Variants in GART observed in about 807,000 individuals in gnomAD.
GART encodes phosphoribosylglycinamide formyltransferase, phosphoribosylglycinamide synthetase, phosphoribosylaminoimidazole synthetase, also known as trifunctional purine biosynthetic protein adenosine-3.
GART carries 43 observed loss-of-function variants against 107.2 expected under a neutral mutation model. The ratio of observed to expected loss-of-function variants is 0.40; its 90% confidence interval spans 0.31 to 0.52. The LOEUF is 0.52. Among genes scored for constraint, GART ranks in the 20% least tolerant of loss-of-function variants. The pLI is 0.52. For missense variants in GART, 1,107 were observed against 1,206.5 expected (o/e 0.92, Z 1.22); for synonymous variants, 434 against 427.0 (o/e 1.02, Z -0.20).
At chr21:33,527,676 G>C (rs1297295230) in intron 10 of GART, among the ~76,000 whole-genome samples, 2 of 151,884 alleles carry the variant, frequency 1.3e-5, no homozygotes, top group Non-Finnish European at 2.9e-5. Flanking sequence ...TAAAGAGAGA[G>C]AGAAAAAAAA....
chr21:33,525,092 T>C (rs1278977454), intron 10 of GART, 92 bp from the exon 11 acceptor site: 2 of 1,462,022 alleles, frequency 1.4e-6, no homozygotes, highest in Admixed American at 2.8e-5. Flanking sequence ...TTCTTTTTTT[T>C]TTTTTTTAAC....
In GART at chr21:33,534,739, G is replaced by C; in HGVS notation, c.256C>G (p.Leu86Val). 1 of 1,588,252 alleles carries C rather than the reference G, an allele frequency of 6.3e-7. No homozygotes were observed. Among genetic ancestry groups the C allele is most frequent in the Non-Finnish European group, 8.5e-7 (1 of 1,169,818 alleles). The change falls in exon 4 of 22, where the codon CTG becomes GTG. Residue 86 changes from leucine (L) to valine (V), a missense_variant. Leu to Val is a conservative substitution (Grantham distance 32). Coordinates refer to ENST00000381815, the MANE Select transcript of GART (RefSeq NM_000819.5). ...AAGCATTGCACTCCTGCAGACCTCAGGTTCCCAACAATCCCTATTGATGAA... is the reference window on the plus strand; with the variant it reads ...AAGCATTGCACTCCTGCAGACCTCACGTTCCCAACAATCCCTATTGATGAA... ...APLAAGIVGN[L>V]RSAGVQCFGP...
Position 33,534,705 on chromosome 21 carries a change from G to A in GART, c.290C>T (p.Thr97Ile). 3.1e-6 allele frequency: 5 copies of A among 1,611,688 alleles called. No homozygotes were observed. The highest frequency in any genetic ancestry group is 4.2e-6 in the Non-Finnish European group (5 of 1,179,000). Residue 97 changes from threonine to isoleucine, a missense_variant, in exon 4 of 22, where the codon ACA (threonine) becomes ATA (isoleucine). Coordinates refer to ENST00000381815, the MANE Select transcript of GART (RefSeq NM_000819.5). Reference sequence around the variant, plus strand: ...GGACTCTAACTGAGCCGCTTCTGCTGTTGGGCCAAAGCATTGCACTCCTGC... The same window carrying A: ...GGACTCTAACTGAGCCGCTTCTGCTATTGGGCCAAAGCATTGCACTCCTGC... Reference protein sequence around the residue: ...RSAGVQCFGPTAEAAQLESSK... With the variant: ...RSAGVQCFGPIAEAAQLESSK...
intron 19 of GART, 76 bp downstream of exon 19, chr21:33,505,898 T>C (rs1479154138): frequency 2.3e-5 from 36 of 1,571,462 alleles, no homozygotes; most frequent in Non-Finnish European, 2.9e-5. Flanking sequence ...CAAGTGCCCA[T>C]AGACCAGGGT....
chr21:33,506,143 A>G, intron 18 of GART, 39 bp from the exon 19 acceptor site: 1 of 1,564,148 alleles, frequency 6.4e-7, no homozygotes, highest in Non-Finnish European at 8.6e-7. Flanking sequence ...TCATACTACT[A>G]CTTCTTTTTT....
intron 10 of GART, among the ~76,000 whole-genome samples, chr21:33,526,018 C>T (rs1261492857): frequency 7.3e-5 from 11 of 151,646 alleles, no homozygotes; most frequent in Admixed American, 6.6e-4. Flanking sequence ...TACAGGTGCC[C>T]ACCACCATGC....
intron 11 of GART, 189 bp downstream of exon 11, chr21:33,524,580 T>A (rs1374795181): frequency 4.1e-6 from 5 of 1,215,050 alleles, no homozygotes; most frequent in Middle Eastern, 3.0e-4. Flanking sequence ...ACTTACGCTA[T>A]CATGAAGTTT....
chr21:33,508,322 G>A (rs1436571468), intron 18 of GART, among the ~76,000 whole-genome samples: 3 of 151,524 alleles, frequency 2.0e-5, no homozygotes, highest in Non-Finnish European at 4.4e-5. Context: ...TCTTACAATA[G>A]TTTCTTTAAA....
chr21:33,511,164 G>C, intron 17 of GART, 88 bp downstream of exon 17: 1 of 1,352,992 alleles, frequency 7.4e-7, no homozygotes, highest in Non-Finnish European at 1.1e-6. Context: ...ACTAAAAGGT[G>C]GGCAGAAAGC....
chr21:33,534,614 G>GA lies in GART; in HGVS notation c.380dup (p.Thr128HisfsTer4), dbSNP rs1452131327. On this transcript the variant is annotated frameshift_variant, in exon 4 of 22. Transcript: ENST00000381815. LOFTEE classifies it high-confidence loss of function. ...AGCTGCAGGCTTCTTCAGGTTTGGT[G>GA]AAAGCCTTCCATTGTGCGGTTGGGA... 6.2e-7 allele frequency: 1 copy of GA among 1,614,072 alleles called. No individual in the cohort carries two copies. Among genetic ancestry groups the GA allele is most frequent in the Non-Finnish European group, 8.5e-7 (1 of 1,180,040 alleles).
At chr21:33,535,442 T>G (rs922032811) in intron 2 of GART, 122 bp from the exon 3 acceptor site, 2 of 557,660 alleles carry the variant, frequency 3.6e-6, no homozygotes, top group African/African-American at 1.9e-5. Context: ...ATCTGTTGGT[T>G]TTCTTATATT....
chr21:33,521,094 A>C (rs2084965194), intron 12 of GART, 79 bp from the exon 13 acceptor site: 2 of 1,165,990 alleles, frequency 1.7e-6, no homozygotes, highest in East Asian at 2.4e-5. Context: ...CTAGTTTAAA[A>C]AAACCAGTAT....
At chr21:33,527,095 C>G (rs2145731343) in intron 10 of GART, among the ~76,000 whole-genome samples, 2 of 152,284 alleles carry the variant, frequency 1.3e-5, no homozygotes, top group East Asian at 3.9e-4. Context: ...TTGGTTCTGG[C>G]CCATTTCTTT....
intron 16 of GART, among the ~76,000 whole-genome samples, chr21:33,516,104 C>T (rs1363261115): frequency 2.6e-5 from 4 of 151,856 alleles, no homozygotes; most frequent in South Asian, 4.2e-4. Context: ...AAAAATTAGC[C>T]GGGCATGGTG....
chr21:33,519,100 C>T (rs1033991776), intron 14 of GART: 8 of 285,628 alleles, frequency 2.8e-5, no homozygotes, highest in South Asian at 2.7e-4. Context: ...GCAATTGTGC[C>T]TGCAATTTGG....
intron 2 of GART, among the ~76,000 whole-genome samples, chr21:33,537,117 C>T (rs1161582068): frequency 6.6e-6 from 1 of 152,082 alleles, no homozygotes; most frequent in African/African-American, 2.4e-5. Flanking sequence ...CAGAGGGCAA[C>T]AAGAGGAAGA....
intron 19 of GART, 123 bp downstream of exon 19, chr21:33,505,851 A>G (rs1185062669): frequency 7.0e-7 from 1 of 1,429,434 alleles, no homozygotes; most frequent in African/African-American, 1.4e-5. Context: ...GAAGAAGGCA[A>G]GCCCAGCACC....
chr21:33,538,649 A>C (rs1200979063), intron 2 of GART, among the ~76,000 whole-genome samples: 1 of 152,256 alleles, frequency 6.6e-6, no homozygotes, highest in East Asian at 1.9e-4. Context: ...TATCAGGTTT[A>C]AAACAGTTTA....
At position 33,528,257 on chromosome 21, in the gene GART, G is replaced by A; in HGVS notation, c.976C>T (p.Pro326Ser). Residue 326 changes from proline to serine, a missense_variant, in exon 10 of 22, where the codon CCT (proline) becomes TCT (serine). Pro to Ser is a moderately conservative substitution (Grantham distance 74). Coordinates refer to ENST00000381815, the MANE Select transcript of GART (RefSeq NM_000819.5). ...GCGGTGTGGTTTTCTAGCCAAACAG[G>A]CAGAGATGTGCAGAGCAGTCCATCT... ...TLDGLLCTSLPVWLENHTALT... is the reference protein window; with the variant it reads ...TLDGLLCTSLSVWLENHTALT... 6.2e-7 allele frequency: 1 copy of A among 1,614,078 alleles called. No individual in the cohort carries two copies. Among genetic ancestry groups the A allele is most frequent in the Non-Finnish European group, 8.5e-7 (1 of 1,179,974 alleles).
Sources: allele counts gnomAD v4.1 joint callset (sites outside exome capture counted in the v4.1 genomes callset), GRCh38; gene constraint gnomAD v4.1.1; transcripts MANE v1.5; gene names NCBI Gene and HGNC (gene_info 2026-07-23, HGNC 2026-07-21).